RBM12B: variants seen among roughly 807,000 people sequenced by gnomAD.
RBM12B encodes the protein RNA-binding protein 12B.
In RBM12B, 10 loss-of-function variants were observed where a neutral mutation model predicts 34.3. The ratio of observed to expected loss-of-function variants is 0.29; its 90% CI spans 0.18 to 0.49. RBM12B has a LOEUF of 0.49. Ranked by LOEUF, RBM12B falls within the 20% of genes least tolerant of loss-of-function variation. The pLI is 0.99. For missense variants in RBM12B, 1,139 were observed against 1,262.7 expected, an observed-to-expected ratio of 0.90 and a Z score of 1.48; for synonymous variants, 477 against 437.1, an observed-to-expected ratio of 1.09 and a Z score of -1.14.
At chr8:93,740,456 G>C (rs754644796) in intron 2 of RBM12B, 173 bp downstream of exon 2, 3 of 457,316 alleles carry the variant, frequency 6.6e-6, no homozygotes, top group Non-Finnish European at 1.3e-5. Flanking sequence ...CCCAACCTCC[G>C]TGCCTTTCCG....
chr8:93,738,193 C>T (rs1812081430), intron 2 of RBM12B, among the ~76,000 whole-genome samples: 1 of 152,146 alleles, frequency 6.6e-6, no homozygotes, highest in Non-Finnish European at 1.5e-5. Flanking sequence ...TGTTACAATT[C>T]ATCTCAAGCC....
chr8:93,733,714 T>C lies in RBM12B; in HGVS notation c.2697A>G (p.Gly899=), dbSNP rs369854232. 1 of 1,614,148 alleles carries C rather than the reference T, an allele frequency of 6.2e-7. No individual in the cohort carries two copies. Among genetic ancestry groups the C allele is most frequent in the East Asian group, 2.2e-5 (1 of 44,890 alleles). Residue 899 remains glycine (G), a synonymous_variant, in exon 4 of 4, where the codon GGA becomes GGG. Coordinates refer to ENST00000520560, the MANE Select transcript of RBM12B (RefSeq NM_001377960.1). ...CAGGAAAACTTCCCATATTATGCTTTCCAAAATCAAACTTGCCACCTTCTG... is the reference window on the plus strand; with the variant it reads ...CAGGAAAACTTCCCATATTATGCTTCCCAAAATCAAACTTGCCACCTTCTG... The part of the protein sequence containing the change: ...GRPEGGKFDF[G]KHNMGSFPEG...
chr8:93,734,242 G>T lies in RBM12B; in HGVS notation c.2169C>A (p.Phe723Leu). 3 of 1,609,196 alleles carry T rather than the reference G, an allele frequency of 1.9e-6. No homozygotes were observed. The highest frequency in any genetic ancestry group is 2.5e-6 in the Non-Finnish European group (3 of 1,177,614). ...GGAAATGCTCCTGAGGTGGCCTCCG[G>T]AAATGCTCCTGGGGTGACTGCCTGA... ...EDFRQSPQEHFRRPPQEHFRR... is the reference protein window; with the variant it reads ...EDFRQSPQEHLRRPPQEHFRR... Residue 723 changes from phenylalanine to leucine, a missense_variant, in exon 4 of 4, where the codon TTC becomes TTA. Physicochemically the swap from Phe to Leu is conservative, Grantham distance 22. Around this residue, in one of 3 missense-constraint regions of RBM12B, gnomAD observed 863 missense variants for 869.5 expected, o/e 0.99. Transcript: ENST00000520560.
chr8:93,733,500 C>T lies in RBM12B; in HGVS notation c.2911G>A (p.Val971Ile). ...GCTTCATTATAGTTTATCATAGCAA[C>T]AATGGCTTCCCCTGTAGGTAAGCCT... The part of the protein sequence containing the change: ...EQGLPTGEAI[V>I]AMINYNEAMA... Residue 971 changes from valine (V) to isoleucine (I), a missense_variant, in exon 4 of 4, where the codon GTT becomes ATT. Val to Ile is a conservative substitution (Grantham distance 29). Around this residue, in one of 3 missense-constraint regions of RBM12B, gnomAD observed 60 missense variants for 101.0 expected, o/e 0.59. Transcript: ENST00000520560. 6.2e-7 allele frequency: 1 copy of T among 1,609,808 alleles called. No individual in the cohort carries two copies. The highest frequency in any genetic ancestry group is 8.5e-7 in the Non-Finnish European group (1 of 1,177,058).
intron 2 of RBM12B, chr8:93,740,269 C>G (rs1457274835): frequency 2.2e-6 from 1 of 456,496 alleles, no homozygotes; most frequent in South Asian, 1.5e-5. Context: ...CAGGATTTCT[C>G]CCAACATCCT....
At position 93,734,451 on chromosome 8, in the gene RBM12B, G is replaced by T. The variant is rs755560213; in HGVS notation, c.1960C>A (p.Pro654Thr). 1 of 1,605,472 alleles carries T rather than the reference G, an allele frequency of 6.2e-7. No individual in the cohort carries two copies. The highest frequency in any genetic ancestry group is 8.5e-7 in the Non-Finnish European group (1 of 1,174,940). Residue 654 changes from proline (P) to threonine (T), a missense_variant, in exon 4 of 4, where the codon CCC becomes ACC. Coordinates refer to ENST00000520560, the MANE Select transcript of RBM12B (RefSeq NM_001377960.1). Reference protein sequence around the residue: ...RQLPEEDFRQPPEEDLRWLPE... With the variant: ...RQLPEEDFRQTPEEDLRWLPE... ...AGCCACCTTAAGTCCTCCTCAGGGGGTTGCCTGAAGTCCTCCTCGGGGAGC... is the reference window on the plus strand; with the variant it reads ...AGCCACCTTAAGTCCTCCTCAGGGGTTTGCCTGAAGTCCTCCTCGGGGAGC...
intron 2 of RBM12B, among the ~76,000 whole-genome samples, chr8:93,737,813 A>C (rs1812066843): frequency 1.6e-5 from 1 of 60,972 alleles, no homozygotes; most frequent in African/African-American, 9.1e-5. Flanking sequence ...AGTTCAAAAA[A>C]AAAAAAAAAA....
chr8:93,734,203 T>TGGAGGTGGTCTCCGGAAATGCTCC lies in RBM12B; in HGVS notation c.2207_2208insGGAGCATTTCCGGAGACCACCTCC (p.Pro776_Pro783dup), dbSNP rs1563659987. On this transcript the variant is annotated inframe_insertion, in exon 4 of 4. Coordinates refer to ENST00000520560, the MANE Select transcript of RBM12B (RefSeq NM_001377960.1). ...CTGGAGGTGGTCTCCGGAAATGCTC[T>TGGAGGTGGTCTCCGGAAATGCTCC]GGGGGTGGCCGACGGAAATGCTCCT... The TGGAGGTGGTCTCCGGAAATGCTCC allele has an allele frequency of 1.3e-6, 2 of 1,588,408 alleles. No individual in the cohort carries two copies. The highest frequency in any genetic ancestry group is 8.6e-7 in the Non-Finnish European group (1 of 1,167,674).
chr8:93,733,319 TAAAA>T lies in RBM12B; in HGVS notation c.*82_*85del, dbSNP rs538204600. On this transcript the variant is annotated 3_prime_UTR_variant, in exon 4 of 4. Transcript: ENST00000520560. Reference sequence around the variant, plus strand: ...AAATAAAATATTTCATTAGATAATTTAAAAAAAAAACACTTTTTTAAAACAAATG... The same window carrying T: ...AAATAAAATATTTCATTAGATAATTTAAAAAACACTTTTTTAAAACAAATG... 1 of 979,072 alleles carries T rather than the reference TAAAA, an allele frequency of 1.0e-6. No homozygotes were observed. The highest frequency in any genetic ancestry group is 1.7e-5 in the African/African-American group (1 of 59,114). 60.6% of individuals were successfully genotyped at this position (979,072 alleles called of 1,614,324 possible). A position where few individuals can be genotyped will look rare whatever the true frequency, so the allele number is the denominator to read the frequency against.
Position 93,735,182 on chromosome 8 carries a change from T to A in RBM12B, c.1229A>T (p.Asp410Val). The A allele has an allele frequency of 1.2e-6, 2 of 1,614,116 alleles. No homozygotes were observed. Among genetic ancestry groups the A allele is most frequent in the Non-Finnish European group, 1.7e-6 (2 of 1,180,034 alleles). ...LCIYIRNFPF[D>V]VTKVEVQKFF... ...CTTCTGCACTTCAACTTTTGTAACA[T>A]CAAATGGAAAATTTCTTATATAGAT... The change falls in exon 4 of 4, where the codon GAT becomes GTT. Residue 410 changes from aspartate (D) to valine (V), a missense_variant. By Grantham distance (152) the Asp-to-Val change is radical. Transcript: ENST00000520560.
In RBM12B at chr8:93,736,255, A is replaced by G. The variant is rs763912515; in HGVS notation, c.156T>C (p.Asp52=). 1.2e-6 allele frequency: 2 copies of G among 1,612,948 alleles called. No individual in the cohort carries two copies. The highest frequency in any genetic ancestry group is 1.7e-6 in the Non-Finnish European group (2 of 1,178,950). Residue 52 remains aspartate, a synonymous_variant, in exon 4 of 4, where the codon GAT becomes GAC. Transcript: ENST00000520560. ...CTGAACGACTTATGGCACGTCTTGC[A>G]TCTTCATCTGTTGCAAAAATAATAA... ...EAFIIFATDE[D]ARRAISRSGG... is the part of the protein sequence containing the mutation.
chr8:93,732,583 T>G lies in RBM12B; in HGVS notation c.*822A>C, dbSNP rs1470794288. ...ATTAGATTCTTATTTTACTATCTTT[T>G]GCGTATCTTGTATTAATTTTACTTG... On this transcript the variant is annotated 3_prime_UTR_variant, in exon 4 of 4. Coordinates refer to ENST00000520560, the MANE Select transcript of RBM12B (RefSeq NM_001377960.1). 3 of 152,238 alleles carry G rather than the reference T, an allele frequency of 2.0e-5. No homozygotes were observed. The East Asian group carries it at 5.8e-4, about 29-fold the overall frequency. The allele number at this position is 152,238 out of a possible 1,614,324, so 9.4% of individuals were successfully genotyped here.
chr8:93,736,035 T>C lies in RBM12B; in HGVS notation c.376A>G (p.Ile126Val), dbSNP rs147043331. 1,284 of 1,614,226 alleles carry C rather than the reference T, an allele frequency of 8.0e-4. 4 individuals are homozygous for C. The highest frequency in any genetic ancestry group is 9.8e-4 in the South Asian group (89 of 91,082). ...GTATGAAACCCAGCATCTTGATTAA[T>C]TGAAGAGCCATATCCAGAATTACTT... ...EASNSGYGSSINQDAGFHTNG... is the reference protein window; with the variant it reads ...EASNSGYGSSVNQDAGFHTNG... The change falls in exon 4 of 4, where the codon ATT (isoleucine) becomes GTT (valine). Residue 126 changes from isoleucine (I) to valine (V), a missense_variant. By Grantham distance (29) the Ile-to-Val change is conservative. Coordinates refer to ENST00000520560, the MANE Select transcript of RBM12B (RefSeq NM_001377960.1).
intron 2 of RBM12B, among the ~76,000 whole-genome samples, chr8:93,737,807 CAAAAAAAAAAA>C (rs78204688): frequency 1.1e-4 from 11 of 100,592 alleles, no homozygotes; most frequent in African/African-American, 1.9e-4. Context: ...ACCCAAAGTT[CAAAAAAAAAAA>C]AAAAAAAAAA....
chr8:93,740,509 A>AGG (rs1306260510), intron 2 of RBM12B, 120 bp downstream of exon 2: 2 of 457,218 alleles, frequency 4.4e-6, no homozygotes, highest in Non-Finnish European at 8.8e-6. Context: ...AACTCGCCAG[A>AGG]GGGTGAACTG....
At chr8:93,736,592 TAAAG>T (rs531483059) in intron 3 of RBM12B, among the ~76,000 whole-genome samples, 154 bp from the exon 4 acceptor site, 5 of 152,196 alleles carry the variant, frequency 3.3e-5, no homozygotes, top group East Asian at 1.9e-4. Context: ...ATCTAATTAT[TAAAG>T]AAAACAAGGG....
Position 93,734,020 on chromosome 8 carries a change from G to GCGCCTGAAATGCTCCTGAGGCGGC in RBM12B, c.2367_2390dup (p.Pro790_Arg797dup). On this transcript the variant is annotated inframe_insertion, in exon 4 of 4. Coordinates refer to ENST00000520560, the MANE Select transcript of RBM12B (RefSeq NM_001377960.1). ...GGTGCCTGAAATCTTCCTCTCGGGA[G>GCGCCTGAAATGCTCCTGAGGCGGC]CGCCTGAAATGCTCCTGAGGCGGCC... 11 of 1,606,892 alleles carry GCGCCTGAAATGCTCCTGAGGCGGC rather than the reference G, an allele frequency of 6.8e-6. No individual in the cohort carries two copies. Among genetic ancestry groups the GCGCCTGAAATGCTCCTGAGGCGGC allele is most frequent in the South Asian group, 3.3e-5 (3 of 90,860 alleles).
At position 93,735,612 on chromosome 8, in the gene RBM12B, G is replaced by A. The variant is rs377370983; in HGVS notation, c.799C>T (p.Arg267Trp). The A allele has an allele frequency of 3.9e-5, 63 of 1,613,910 alleles. No individual in the cohort carries two copies. Among genetic ancestry groups the A allele is most frequent in the African/African-American group, 2.4e-4 (18 of 74,892 alleles). ...RGINDRHFRK[R>W]SHSKSPRRTR... ...CTTCTGGGAGATTTTGAATGAGACC[G>A]TTTTCGAAAATGTCTATCATTAATT... The change falls in exon 4 of 4, where the codon CGG becomes TGG. Residue 267 changes from arginine (R) to tryptophan (W), a missense_variant. Physicochemically the swap from Arg to Trp is moderately radical, Grantham distance 101 (BLOSUM62 -3). Around this residue, in one of 3 missense-constraint regions of RBM12B, gnomAD observed 863 missense variants for 869.5 expected, o/e 0.99. Transcript: ENST00000520560.
rs756918636 is a variant in RBM12B at position 93,734,471 on chromosome 8, G to A, written c.1940C>T (p.Pro647Leu). The change falls in exon 4 of 4, where the codon CCC (proline) becomes CTC (leucine). Residue 647 changes from proline to leucine, a missense_variant. Pro to Leu is a moderately conservative substitution (Grantham distance 98, BLOSUM62 -3). Coordinates refer to ENST00000520560, the MANE Select transcript of RBM12B (RefSeq NM_001377960.1). Reference sequence around the variant, plus strand: ...AGGGGGTTGCCTGAAGTCCTCCTCGGGGAGCTGCCTGAAGTCCTCCGTGGG... The same window carrying A: ...AGGGGGTTGCCTGAAGTCCTCCTCGAGGAGCTGCCTGAAGTCCTCCGTGGG... ...RSPTEDFRQL[P>L]EEDFRQPPEE... The A allele has an allele frequency of 2.5e-6, 4 of 1,606,284 alleles. No individual in the cohort carries two copies. The highest frequency in any genetic ancestry group is 3.4e-6 in the Non-Finnish European group (4 of 1,175,188).
Sources: allele counts gnomAD v4.1 joint callset (sites outside exome capture counted in the v4.1 genomes callset), GRCh38; gene constraint gnomAD v4.1.1; regional missense constraint gnomAD v4.1.1; transcripts MANE v1.5; gene names NCBI Gene and HGNC (gene_info 2026-07-23, HGNC 2026-07-21).